The following ATP8B4 variants were observed in gnomAD, a reference collection of about 807,000 sequenced individuals.
ATP8B4 encodes the protein ATPase phospholipid transporting 8B4 (putative), also known as probable phospholipid-transporting ATPase IM.
A neutral mutation model predicts 145.6 loss-of-function variants in ATP8B4; 133 were observed. That is an observed-to-expected ratio of 0.91 (90% CI 0.79 to 1.05). The LOEUF is 1.05. Among genes scored for constraint, ATP8B4 ranks in the 50% least tolerant of loss-of-function variants. The pLI, the probability that ATP8B4 is intolerant of heterozygous loss-of-function variation, is 0.00. For missense variants in ATP8B4, 1,458 were observed against 1,425.2 expected, an observed-to-expected ratio of 1.02 and a Z score of -0.37; for synonymous variants, 507 against 492.9, an observed-to-expected ratio of 1.03 and a Z score of -0.38.
At chr15:49,950,283 T>C (rs919114665) in intron 14 of ATP8B4, among the ~76,000 whole-genome samples, 1 of 152,188 alleles carries the variant, frequency 6.6e-6, no homozygotes, top group Non-Finnish European at 1.5e-5. Flanking sequence ...TGAATCTGTC[T>C]GGTCCTGGGC....
intron 20 of ATP8B4, among the ~76,000 whole-genome samples, chr15:49,913,648 G>T (rs2039458207): frequency 6.6e-6 from 1 of 152,080 alleles, no homozygotes; most frequent in African/African-American, 2.4e-5. Flanking sequence ...AAAACTCTTA[G>T]AACTGATAAC....
chr15:49,933,752 T>A (rs1402407869), intron 15 of ATP8B4, among the ~76,000 whole-genome samples: 1 of 152,082 alleles, frequency 6.6e-6, no homozygotes, highest in Non-Finnish European at 1.5e-5. Context: ...CATATTTGGG[T>A]CCTCACTTTT....
At chr15:50,071,461 G>A (rs7176967) in intron 3 of ATP8B4, among the ~76,000 whole-genome samples, 134,019 of 152,292 alleles carry the variant, frequency 0.88, 59,298 homozygotes, top group East Asian at 0.99. Context: ...AATACTTGTT[G>A]CATATTGGAA....
At chr15:49,992,643 T>G (rs2047130260) in intron 9 of ATP8B4, among the ~76,000 whole-genome samples, 1 of 152,132 alleles carries the variant, frequency 6.6e-6, no homozygotes, top group Non-Finnish European at 1.5e-5. Flanking sequence ...ATTCAGGTCT[T>G]TAGATACTTG....
At chr15:49,978,226 A>G (rs2045841643) in intron 12 of ATP8B4, among the ~76,000 whole-genome samples, 1 of 152,214 alleles carries the variant, frequency 6.6e-6, no homozygotes, top group Admixed American at 6.5e-5. Context: ...GACATAAAGG[A>G]ATGCTATAAA....
Position 49,987,484 on chromosome 15 carries a change from C to G in ATP8B4, c.655G>C (p.Asp219His), listed in dbSNP as rs566076722. ...DKFMGILSWKDSKHSLNNEKI... is the reference protein window; with the variant it reads ...DKFMGILSWKHSKHSLNNEKI... Reference sequence around the variant, plus strand: ...TCATTGTTGAGGGAATGCTTGCTGTCTTTCCAAGAAAGGATTCCCATGAAT... The same window carrying G: ...TCATTGTTGAGGGAATGCTTGCTGTGTTTCCAAGAAAGGATTCCCATGAAT... The change falls in exon 10 of 28, where the codon GAC (aspartate) becomes CAC (histidine). Residue 219 changes from aspartate (D) to histidine (H), a missense_variant. Transcript: ENST00000284509. The G allele has an allele frequency of 6.2e-7, 1 of 1,613,720 alleles. No individual in the cohort carries two copies. Among genetic ancestry groups the G allele is most frequent in the South Asian group, 1.1e-5 (1 of 91,068 alleles).
chr15:50,010,761 T>G (rs1567193598), intron 7 of ATP8B4, 84 bp downstream of exon 7: 6 of 853,946 alleles, frequency 7.0e-6, no homozygotes, highest in Non-Finnish European at 1.0e-5. Context: ...TAGTAAGGAT[T>G]TACTAAATTT....
At chr15:50,146,673 CT>C (rs2044281177) in intron 1 of ATP8B4, among the ~76,000 whole-genome samples, 1 of 152,142 alleles carries the variant, frequency 6.6e-6, no homozygotes, top group African/African-American at 2.4e-5. Context: ...AGACAGGGTC[CT>C]TTTCCGTCCC....
At chr15:50,098,293 T>C (rs2056120974) in intron 2 of ATP8B4, among the ~76,000 whole-genome samples, 1 of 120,952 alleles carries the variant, frequency 8.3e-6, no homozygotes, top group African/African-American at 3.5e-5. Flanking sequence ...TTTTTTTTTT[T>C]TTTTTTTTTT....
chr15:50,036,046 C>A (rs2050810709), intron 6 of ATP8B4, among the ~76,000 whole-genome samples: 1 of 152,176 alleles, frequency 6.6e-6, no homozygotes, highest in Non-Finnish European at 1.5e-5. Flanking sequence ...AAGGATAGGG[C>A]CAAAACACTT....
At chr15:49,992,144 CTCT>C (rs1599674959) in intron 9 of ATP8B4, among the ~76,000 whole-genome samples, 1 of 152,280 alleles carries the variant, frequency 6.6e-6, no homozygotes, top group East Asian at 1.9e-4. Flanking sequence ...TAACAATAAT[CTCT>C]TCCTTCAAGA....
At chr15:50,113,041 C>T (rs2057026085) in intron 1 of ATP8B4, among the ~76,000 whole-genome samples, 1 of 152,124 alleles carries the variant, frequency 6.6e-6, no homozygotes. Flanking sequence ...AAGCCCTTCT[C>T]TCCTCCAGCT....
intron 27 of ATP8B4, among the ~76,000 whole-genome samples, chr15:49,861,320 G>A (rs995553163): frequency 9.9e-5 from 15 of 152,008 alleles, no homozygotes; most frequent in African/African-American, 3.6e-4. Flanking sequence ...GGACAGATAT[G>A]ACAAGGGACT....
Position 49,874,984 on chromosome 15 carries a change from A to G in ATP8B4, c.3027+1294T>C, listed in dbSNP as rs560313217. Among the ~76,000 whole-genome samples the G allele has an allele frequency of 5.3e-5, 8 of 152,362 alleles. No individual in the cohort carries two copies. In the East Asian group the frequency reaches 1.3e-3, roughly 26 times the overall value. ...AACAAATTATGGGCAAGCAAAAAAA[A>G]AGAGAAAAAGATGCATGGGCATAAC... On this transcript the variant is annotated intron_variant, in intron 25 of 27. Transcript: ENST00000284509.
intron 20 of ATP8B4, among the ~76,000 whole-genome samples, chr15:49,912,422 G>A (rs2039325468): frequency 6.6e-6 from 1 of 152,096 alleles, no homozygotes. Context: ...AAACCTAGAG[G>A]AAATGGATAA....
intron 23 of ATP8B4, among the ~76,000 whole-genome samples, chr15:49,890,582 G>A (rs1302488381): frequency 1.3e-5 from 2 of 152,204 alleles, no homozygotes; most frequent in East Asian, 3.8e-4. Context: ...GGAAGTGAGA[G>A]AGTATGACAG....
In ATP8B4 at chr15:49,879,387, TC is replaced by T; in HGVS notation, c.2769del (p.Ile924PhefsTer6). On this transcript the variant is annotated frameshift_variant, in exon 24 of 28. Coordinates refer to ENST00000284509, the MANE Select transcript of ATP8B4 (RefSeq NM_024837.4). LOFTEE classifies it high-confidence loss of function. ...GAAAAAAAACATACCTGGTCAAAAA[TC>T]CCCATGGCTAAAACAGGCAGTGATG... is the stretch of plus-strand genomic sequence containing the variant. Reference protein sequence around the residue: ...VYTSLPVLAMGIFDQDVSDQN... With the variant: ...VYTSLPVLAMXIFDQDVSDQN... The T allele has an allele frequency of 1.2e-6, 2 of 1,610,404 alleles. No homozygotes were observed. Among genetic ancestry groups the T allele is most frequent in the Admixed American group, 3.4e-5 (2 of 59,572 alleles).
intron 3 of ATP8B4, among the ~76,000 whole-genome samples, chr15:50,052,185 A>G (rs2052238850): frequency 1.3e-5 from 2 of 152,348 alleles, no homozygotes; most frequent in East Asian, 1.9e-4. Context: ...CTATAGGCCT[A>G]CAGTCCAATC....
chr15:49,987,848 C>G (rs1368995614), intron 9 of ATP8B4, among the ~76,000 whole-genome samples: 4 of 152,168 alleles, frequency 2.6e-5, no homozygotes, highest in Non-Finnish European at 5.9e-5. Flanking sequence ...ATCTTTACTT[C>G]CGGTTTGTAA....
Sources: allele counts gnomAD v4.1 joint callset (sites outside exome capture counted in the v4.1 genomes callset), GRCh38; gene constraint gnomAD v4.1.1; transcripts MANE v1.5; gene names NCBI Gene and HGNC (gene_info 2026-07-23, HGNC 2026-07-21).